Variants in CSMD1 observed in about 807,000 individuals in gnomAD.
CSMD1 encodes CUB and Sushi multiple domains 1.
CSMD1 carries 213 observed loss-of-function variants against 417.5 expected under a neutral mutation model. That is an observed-to-expected ratio of 0.51 (90% CI 0.46 to 0.57). The LOEUF (loss-of-function observed/expected upper bound fraction) is 0.57. Ranked by LOEUF, CSMD1 falls within the 20% of genes least tolerant of loss-of-function variation. The pLI is 0.00. For synonymous variants in CSMD1, 2,862 were observed against 1,736.8 expected (o/e 1.65, Z -16.11); for missense variants, 6,923 against 4,529.7 (o/e 1.53, Z -15.17).
At chr8:3,819,935 G>A (rs28531933) in intron 5 of CSMD1, among the ~76,000 whole-genome samples, 26,905 of 151,922 alleles carry the variant, frequency 0.18, 2,925 homozygotes, top group African/African-American at 0.3. Context: ...CCACAGCTTC[G>A]CCTCTCCCTT....
chr8:3,072,288 T>C (rs923430298), intron 49 of CSMD1, among the ~76,000 whole-genome samples: 2 of 152,198 alleles, frequency 1.3e-5, no homozygotes, highest in African/African-American at 2.4e-5. Context: ...ACTAGGAGTA[T>C]GGAACCGAAG....
chr8:4,627,726 T>TCCCAAAATAACAGTC (rs1563347549), intron 2 of CSMD1, among the ~76,000 whole-genome samples: 9 of 151,998 alleles, frequency 5.9e-5, no homozygotes, highest in Non-Finnish European at 1.3e-4. Flanking sequence ...AAATAACAGT[T>TCCCAAAATAACAGTC]GCTCCCCTCA....
chr8:4,456,000 T>G (rs1243496279), intron 2 of CSMD1, among the ~76,000 whole-genome samples: 11 of 110,818 alleles, frequency 9.9e-5, no homozygotes, highest in Middle Eastern at 6.0e-3. Flanking sequence ...AATAAATTGC[T>G]TATCTTCTCC....
At chr8:3,173,382 C>A (rs149358664) in intron 37 of CSMD1, among the ~76,000 whole-genome samples, 1 of 152,098 alleles carries the variant, frequency 6.6e-6, no homozygotes, top group East Asian at 1.9e-4. Context: ...GTCCTTGGTG[C>A]ACTTAGAACA....
intron 3 of CSMD1, among the ~76,000 whole-genome samples, chr8:4,165,909 G>C (rs1797430373): frequency 6.6e-6 from 1 of 152,102 alleles, no homozygotes; most frequent in East Asian, 1.9e-4. Context: ...CACAGTATCA[G>C]ATATATATAT....
At chr8:3,662,354 ACTC>A (rs1798462851) in intron 7 of CSMD1, among the ~76,000 whole-genome samples, 1 of 152,144 alleles carries the variant, frequency 6.6e-6, no homozygotes, top group Non-Finnish European at 1.5e-5. Flanking sequence ...CTCTCTCCCC[ACTC>A]CTCCTCTCCT....
intron 10 of CSMD1, among the ~76,000 whole-genome samples, chr8:3,562,949 G>C (rs371627727): frequency 6.6e-6 from 1 of 151,802 alleles, no homozygotes; most frequent in Admixed American, 6.6e-5. Context: ...CATCCATTTA[G>C]TAATTATTTT....
At chr8:3,407,830 A>G in intron 14 of CSMD1, 69 bp downstream of exon 14, 2 of 1,373,416 alleles carry the variant, frequency 1.5e-6, no homozygotes, top group Non-Finnish European at 2.0e-6. Flanking sequence ...CTTCACATAC[A>G]TATAAGCAAA....
intron 2 of CSMD1, among the ~76,000 whole-genome samples, chr8:4,568,254 T>C (rs920307216): frequency 6.6e-6 from 1 of 152,068 alleles, no homozygotes; most frequent in Non-Finnish European, 1.5e-5. Flanking sequence ...ATTAGGGATT[T>C]CCCCTAATGC....
chr8:4,912,008 T>C (rs1805708902), intron 1 of CSMD1, among the ~76,000 whole-genome samples: 1 of 151,642 alleles, frequency 6.6e-6, no homozygotes, highest in African/African-American at 2.4e-5. Context: ...TCTTTTGGTC[T>C]TTCTTCTGTA....
chr8:4,617,829 T>C (rs1801561534), intron 2 of CSMD1, among the ~76,000 whole-genome samples: 1 of 152,194 alleles, frequency 6.6e-6, no homozygotes, highest in South Asian at 2.1e-4. Context: ...TCCATGAGTA[T>C]ATTCATTGGA....
At chr8:4,892,119 G>A (rs551499721) in intron 1 of CSMD1, among the ~76,000 whole-genome samples, 3 of 152,104 alleles carry the variant, frequency 2.0e-5, no homozygotes, top group East Asian at 3.9e-4. Context: ...TCTGTCACAG[G>A]GAAATTTTTT....
chr8:3,962,459 A>G (rs187342934), intron 5 of CSMD1, among the ~76,000 whole-genome samples: 76 of 152,230 alleles, frequency 5.0e-4, no homozygotes, highest in African/African-American at 1.8e-3. Context: ...GGGAGCATGG[A>G]TCTCCTTGGA....
At chr8:3,164,052 A>G (rs1429103763) in intron 37 of CSMD1, among the ~76,000 whole-genome samples, 1 of 152,162 alleles carries the variant, frequency 6.6e-6, no homozygotes, top group African/African-American at 2.4e-5. Context: ...AGTCGGAGGC[A>G]ACACCATCCC....
At chr8:4,274,616 C>T (rs1446992965) in intron 3 of CSMD1, among the ~76,000 whole-genome samples, 1 of 151,972 alleles carries the variant, frequency 6.6e-6, no homozygotes, top group Non-Finnish European at 1.5e-5. Flanking sequence ...TATGAAATTT[C>T]TATTAAATAT....
chr8:4,301,006 G>T (rs745903221), intron 3 of CSMD1, among the ~76,000 whole-genome samples: 4 of 152,148 alleles, frequency 2.6e-5, no homozygotes, highest in Non-Finnish European at 5.9e-5. Context: ...GTGTGCATGT[G>T]TCTTTATAGC....
At chr8:3,309,853 G>C (rs1285843791) in intron 23 of CSMD1, among the ~76,000 whole-genome samples, 1 of 152,190 alleles carries the variant, frequency 6.6e-6, no homozygotes, top group South Asian at 2.1e-4. Context: ...TCAGGATTGA[G>C]ATTTGCAGCT....
chr8:4,437,340 A>G (rs923109622), intron 2 of CSMD1, among the ~76,000 whole-genome samples: 6 of 152,296 alleles, frequency 3.9e-5, no homozygotes, highest in African/African-American at 1.4e-4. Context: ...TTAAAAAGAA[A>G]ATACATTTTA....
At chr8:4,796,010 C>T (rs1031099682) in intron 1 of CSMD1, among the ~76,000 whole-genome samples, 1 of 152,130 alleles carries the variant, frequency 6.6e-6, no homozygotes, top group African/African-American at 2.4e-5. Context: ...GAAACAAATA[C>T]AGCTAAGGGC....
Sources: allele counts gnomAD v4.1 joint callset (sites outside exome capture counted in the v4.1 genomes callset), GRCh38; gene constraint gnomAD v4.1.1; transcripts MANE v1.5; gene names NCBI Gene and HGNC (gene_info 2026-07-23, HGNC 2026-07-21).